The following CDC42BPA variants were observed in gnomAD, a reference collection of about 807,000 sequenced individuals.
CDC42BPA encodes the protein serine/threonine-protein kinase MRCK alpha.
Under a neutral mutation model 223.5 loss-of-function variants are expected in CDC42BPA, and 80 were observed. The observed-to-expected ratio is 0.36, with a 90% confidence interval of 0.30 to 0.43. CDC42BPA has a LOEUF of 0.43. Ranked by LOEUF, CDC42BPA falls within the 20% of genes least tolerant of loss-of-function variation. The pLI, the probability that CDC42BPA is intolerant of heterozygous loss-of-function variation, is 1.00. For synonymous variants in CDC42BPA, 694 were observed against 718.6 expected (o/e 0.97, Z 0.55); for missense variants, 1,743 against 2,099.9 (o/e 0.83, Z 3.32).
At chr1:227,192,330 C>T (rs1295356644) in intron 5 of CDC42BPA, among the ~76,000 whole-genome samples, 1 of 152,108 alleles carries the variant, frequency 6.6e-6, no homozygotes, top group Non-Finnish European at 1.5e-5. Flanking sequence ...GTGGTCACTA[C>T]ACCAGCAGCA....
At position 227,112,880 on chromosome 1, in the gene CDC42BPA, G is replaced by A; in HGVS notation, c.1681C>T (p.Gln561Ter). Residue 561 changes from glutamine to a stop codon, truncating the protein, a stop_gained, in exon 13 of 37, where the codon CAA becomes TAA. Coordinates refer to ENST00000366766, the MANE Select transcript of CDC42BPA (RefSeq NM_001394014.1). LOFTEE classifies it high-confidence loss of function. ...TGTGCGTCTTTCAGCTCTTTGGATT[G>A]GTTTTTTAATCGCTCACTAGCCTGG... ...LVQASERLKN[Q>*]SKELKDAHCQ... is the part of the protein sequence containing the mutation. The A allele has an allele frequency of 6.2e-7, 1 of 1,613,858 alleles. No individual in the cohort carries two copies. The highest frequency in any genetic ancestry group is 8.5e-7 in the Non-Finnish European group (1 of 1,179,870).
intron 34 of CDC42BPA, 120 bp from the exon 35 acceptor site, chr1:227,005,231 AG>A (rs1292198371): frequency 1.4e-6 from 1 of 711,738 alleles, no homozygotes; most frequent in Non-Finnish European, 2.5e-6. Flanking sequence ...AATGACACAG[AG>A]TAAGGAATGG....
chr1:227,312,751 A>G (rs1220649727), intron 1 of CDC42BPA, among the ~76,000 whole-genome samples: 1 of 151,900 alleles, frequency 6.6e-6, no homozygotes, highest in African/African-American at 2.4e-5. Context: ...TGGAGGAGGG[A>G]CCTGGCGGGA....
In CDC42BPA at chr1:227,112,884, T is replaced by C; in HGVS notation, c.1677A>G (p.Lys559=). ...CGTCTTTCAGCTCTTTGGATTGGTT[T>C]TTTAATCGCTCACTAGCCTGGACTA... ...KELVQASERL[K]NQSKELKDAH... The change falls in exon 13 of 37, where the codon AAA becomes AAG. Residue 559 remains lysine (K), a synonymous_variant. Coordinates refer to ENST00000366766, the MANE Select transcript of CDC42BPA (RefSeq NM_001394014.1). 6.2e-7 allele frequency: 1 copy of C among 1,614,048 alleles called. No homozygotes were observed. The highest frequency in any genetic ancestry group is 8.5e-7 in the Non-Finnish European group (1 of 1,179,940).
At chr1:227,057,667 A>G (rs1255521243) in intron 21 of CDC42BPA, among the ~76,000 whole-genome samples, 1 of 152,212 alleles carries the variant, frequency 6.6e-6, no homozygotes, top group African/African-American at 2.4e-5. Context: ...GAGGCCAGGA[A>G]AGCAGATAAC....
intron 1 of CDC42BPA, chr1:227,265,327 A>C: frequency 2.6e-6 from 1 of 390,364 alleles, no homozygotes; most frequent in Non-Finnish European, 4.8e-6. Flanking sequence ...AGGTACCTAT[A>C]CCTCATAACC....
At chr1:227,090,182 G>A (rs1488118483) in intron 16 of CDC42BPA, among the ~76,000 whole-genome samples, 1 of 152,154 alleles carries the variant, frequency 6.6e-6, no homozygotes, top group East Asian at 1.9e-4. Flanking sequence ...ACTTTATGAT[G>A]TGAACAGTAT....
At chr1:227,054,403 T>G (rs1215143293) in intron 21 of CDC42BPA, among the ~76,000 whole-genome samples, 3 of 152,206 alleles carry the variant, frequency 2.0e-5, no homozygotes, top group African/African-American at 7.2e-5. Context: ...TTTCTCGCAT[T>G]AAAATTAGAA....
In CDC42BPA at chr1:227,029,159, A is replaced by C; in HGVS notation, c.3930T>G (p.Arg1310=). Residue 1310 remains arginine, a synonymous_variant, in exon 30 of 37, where the codon CGT becomes CGG. Coordinates refer to ENST00000366766, the MANE Select transcript of CDC42BPA (RefSeq NM_001394014.1). ...QLVAVISGRN[R]HVRLFPMSAL... Reference sequence around the variant, plus strand: ...CTGACATAGGAAAAAGTCGTACATGACGATTTCGTCCTGAGATCACAGCAA... The same window carrying C: ...CTGACATAGGAAAAAGTCGTACATGCCGATTTCGTCCTGAGATCACAGCAA... 6.2e-7 allele frequency: 1 copy of C among 1,605,180 alleles called. No individual in the cohort carries two copies. The highest frequency in any genetic ancestry group is 8.5e-7 in the Non-Finnish European group (1 of 1,179,966).
intron 12 of CDC42BPA, among the ~76,000 whole-genome samples, chr1:227,117,895 C>T (rs924842673): frequency 2.6e-5 from 4 of 151,622 alleles, no homozygotes; most frequent in African/African-American, 9.7e-5. Context: ...GATTAGAATG[C>T]CCAAATATTT....
At chr1:227,117,139 A>C (rs1212908797) in intron 12 of CDC42BPA, among the ~76,000 whole-genome samples, 1 of 152,112 alleles carries the variant, frequency 6.6e-6, no homozygotes, top group East Asian at 1.9e-4. Flanking sequence ...TCTTGGGGTA[A>C]GACTTGGCAC....
chr1:227,112,963 C>A (rs754239468), intron 12 of CDC42BPA, 50 bp from the exon 13 acceptor site: 3 of 1,583,188 alleles, frequency 1.9e-6, no homozygotes, highest in Non-Finnish European at 2.6e-6. Flanking sequence ...AACCTAGAGA[C>A]CAAATTTGGC....
intron 15 of CDC42BPA, among the ~76,000 whole-genome samples, chr1:227,095,644 T>A (rs1055048788): frequency 1.4e-5 from 2 of 148,048 alleles, no homozygotes; most frequent in Non-Finnish European, 3.0e-5. Flanking sequence ...CAGGCTGGAG[T>A]GCAGTGGTGC....
chr1:227,051,422 A>C (rs1282925144), intron 22 of CDC42BPA, among the ~76,000 whole-genome samples: 3 of 152,188 alleles, frequency 2.0e-5, no homozygotes, highest in African/African-American at 7.2e-5. Flanking sequence ...GATTTAGTTG[A>C]CTGTTACCAA....
intron 1 of CDC42BPA, among the ~76,000 whole-genome samples, chr1:227,296,669 G>A (rs1690685610): frequency 7.0e-6 from 1 of 143,608 alleles, no homozygotes; most frequent in Non-Finnish European, 1.5e-5. Context: ...TTGTGCCACT[G>A]CACTCCAGCC....
At position 227,207,384 on chromosome 1, in the gene CDC42BPA, C is replaced by A. The variant is rs1170031697; in HGVS notation, c.354+5752G>T. On this transcript the variant is annotated intron_variant, in intron 3 of 36. Transcript: ENST00000366766. Reference sequence around the variant, plus strand: ...TTCTTTTTCTTTTTTTTTTATTATACTTTAAGTTTTAGGGTACATGTGCAC... The same window carrying A: ...TTCTTTTTCTTTTTTTTTTATTATAATTTAAGTTTTAGGGTACATGTGCAC... 2.5e-5 allele frequency among the ~76,000 whole-genome samples: 3 copies of A among 118,510 alleles called. No individual in the cohort carries two copies. In the East Asian group the frequency reaches 7.4e-4, roughly 29 times the overall value. The allele number at this position is 118,510 out of a possible 152,430, so 77.7% of individuals were successfully genotyped here.
intron 4 of CDC42BPA, among the ~76,000 whole-genome samples, chr1:227,196,489 A>G (rs555432978): frequency 8.6e-5 from 13 of 151,166 alleles, no homozygotes; most frequent in South Asian, 4.2e-4. Flanking sequence ...ACAGGCGCCC[A>G]CCACCACACC....
At chr1:227,105,971 C>G (rs568277011) in intron 14 of CDC42BPA, among the ~76,000 whole-genome samples, 3 of 152,146 alleles carry the variant, frequency 2.0e-5, no homozygotes, top group African/African-American at 7.2e-5. Flanking sequence ...AGTGGAATGG[C>G]TGGATCATGT....
chr1:227,215,422 C>T (rs957192547), intron 2 of CDC42BPA, among the ~76,000 whole-genome samples: 1 of 152,100 alleles, frequency 6.6e-6, no homozygotes, highest in African/African-American at 2.4e-5. Context: ...AATAACAATA[C>T]TTATATCATT....
Sources: allele counts gnomAD v4.1 joint callset (sites outside exome capture counted in the v4.1 genomes callset), GRCh38; gene constraint gnomAD v4.1.1; transcripts MANE v1.5; gene names NCBI Gene and HGNC (gene_info 2026-07-23, HGNC 2026-07-21).